Variants in NIPBL observed in about 807,000 individuals in gnomAD.
NIPBL encodes nipped-B-like protein.
A neutral mutation model predicts 321.8 loss-of-function variants in NIPBL; 19 were observed. The ratio of observed to expected loss-of-function variants is 0.06; its 90% confidence interval spans 0.04 to 0.09. The LOEUF is 0.09. Among genes scored for constraint, NIPBL ranks in the 10% least tolerant of loss-of-function variants. The pLI is 1.00. For missense variants in NIPBL, 2,210 were observed against 3,327.0 expected, an observed-to-expected ratio of 0.66 and a Z score of 8.26; for synonymous variants, 1,106 against 1,114.1, an observed-to-expected ratio of 0.99 and a Z score of 0.14.
At position 37,008,606 on chromosome 5, in the gene NIPBL, T is replaced by G; in HGVS notation, c.4321-17T>G. On this transcript the variant is annotated splice_polypyrimidine_tract_variant and intron_variant, in intron 19 of 46. Coordinates refer to ENST00000282516, the MANE Select transcript of NIPBL (RefSeq NM_133433.4). ...TCTATTATAAGTTTAACTTGGAATC[T>G]TATAATTACTAAACAGGTATTCTCA... 1.6e-6 allele frequency: 2 copies of G among 1,223,670 alleles called. No homozygotes were observed. The allele number at this position is 1,223,670 out of a possible 1,614,324, so 75.8% of individuals were successfully genotyped here.
chr5:36,975,211 A>G (rs923497231), intron 8 of NIPBL, among the ~76,000 whole-genome samples: 7 of 152,082 alleles, frequency 4.6e-5, no homozygotes, highest in Non-Finnish European at 7.4e-5. Context: ...GTATAAATCA[A>G]TATTTTACCA....
chr5:37,006,310 C>G lies in NIPBL; in HGVS notation c.3856-47C>G, dbSNP rs763424034. 5 of 1,005,724 alleles carry G rather than the reference C, an allele frequency of 5.0e-6. No individual in the cohort carries two copies. The East Asian group carries it at 1.2e-4, about 25-fold the overall frequency. The allele number at this position is 1,005,724 out of a possible 1,614,324, so 62.3% of individuals were successfully genotyped here. A position where few individuals can be genotyped will look rare whatever the true frequency, so the allele number is the denominator to read the frequency against. On this transcript the variant is annotated intron_variant, in intron 16 of 46. Coordinates refer to ENST00000282516, the MANE Select transcript of NIPBL (RefSeq NM_133433.4). Reference sequence around the variant, plus strand: ...TCATAATTTTAATGTATATTTTAAACCTATAAATGTGTTTATTTCCATTTC... The same window carrying G: ...TCATAATTTTAATGTATATTTTAAAGCTATAAATGTGTTTATTTCCATTTC...
chr5:36,988,929 A>T (rs1280004432), intron 10 of NIPBL, among the ~76,000 whole-genome samples: 1 of 152,168 alleles, frequency 6.6e-6, no homozygotes, highest in South Asian at 2.1e-4. Flanking sequence ...CTTTTGTATG[A>T]GCATGATAAA....
At chr5:36,935,306 A>T (rs1750074326) in intron 1 of NIPBL, among the ~76,000 whole-genome samples, 1 of 152,086 alleles carries the variant, frequency 6.6e-6, no homozygotes, top group Non-Finnish European at 1.5e-5. Context: ...TCATCAAGGC[A>T]ATCAGAAAAG....
At chr5:37,029,997 T>G (rs1164678905) in intron 32 of NIPBL, among the ~76,000 whole-genome samples, 1 of 152,190 alleles carries the variant, frequency 6.6e-6, no homozygotes, top group African/African-American at 2.4e-5. Flanking sequence ...TCTAAAAGGC[T>G]CTAAATCATA....
At chr5:37,028,333 CTTT>C (rs10676635) in intron 32 of NIPBL, among the ~76,000 whole-genome samples, 1 of 102,554 alleles carries the variant, frequency 9.8e-6, no homozygotes, top group Non-Finnish European at 1.8e-5. Flanking sequence ...TTCCATAATA[CTTT>C]TTTTTTTTTT....
intron 1 of NIPBL, 81 bp downstream of exon 1, chr5:36,877,259 TCCCCG>T (rs1745151225): frequency 6.1e-6 from 1 of 163,382 alleles, no homozygotes; most frequent in Non-Finnish European, 1.3e-5. Context: ...CTCGCTCCCC[TCCCCG>T]CCGTTTCCTT....
At chr5:36,881,114 G>T (rs1745469658) in intron 1 of NIPBL, among the ~76,000 whole-genome samples, 1 of 151,934 alleles carries the variant, frequency 6.6e-6, no homozygotes, top group South Asian at 2.1e-4. Context: ...TTTCTTGGTT[G>T]TATTTTCCTG....
chr5:36,993,678 A>G (rs75173645), intron 10 of NIPBL, among the ~76,000 whole-genome samples: 33 of 152,036 alleles, frequency 2.2e-4, no homozygotes, highest in Non-Finnish European at 4.4e-5. Context: ...AAAAAAAAAA[A>G]TCCCGTGATG....
chr5:37,000,773 A>G, intron 12 of NIPBL, 44 bp from the exon 13 acceptor site: 7 of 1,505,038 alleles, frequency 4.7e-6, no homozygotes, highest in Non-Finnish European at 6.5e-6. Context: ...AATTATTTTA[A>G]GTTGTCAGTC....
intron 1 of NIPBL, among the ~76,000 whole-genome samples, chr5:36,886,925 A>G (rs577318405): frequency 2.0e-4 from 31 of 152,044 alleles, no homozygotes; most frequent in East Asian, 3.9e-4. Context: ...TTCATGTTCT[A>G]TGTATCAGTA....
At position 36,968,111 on chromosome 5, in the gene NIPBL, A is replaced by C. The variant is rs1436603799; in HGVS notation, c.611-2765A>C. Among the ~76,000 whole-genome samples the C allele has an allele frequency of 3.2e-3, 371 of 116,308 alleles. 5 individuals are homozygous for C. Among genetic ancestry groups the C allele is most frequent in the African/African-American group, 0.011 (338 of 29,494 alleles). 76.3% of individuals were successfully genotyped at this position (116,308 alleles called of 152,430 possible). A position where few individuals can be genotyped will look rare whatever the true frequency, so the allele number is the denominator to read the frequency against. On this transcript the variant is annotated intron_variant, in intron 6 of 46. Coordinates refer to ENST00000282516, the MANE Select transcript of NIPBL (RefSeq NM_133433.4). The stretch of plus-strand genomic sequence containing the variant: ...ACTCTGTCTCAAAAAAAAAAAAAAA[A>C]CAAAAAACAAAAAACGAATAAGCAG...
At chr5:36,986,985 A>G (rs1242608246) in intron 10 of NIPBL, among the ~76,000 whole-genome samples, 1 of 152,140 alleles carries the variant, frequency 6.6e-6, no homozygotes, top group Non-Finnish European at 1.5e-5. Context: ...CCAAAAGATA[A>G]TGGCCATTTG....
intron 16 of NIPBL, among the ~76,000 whole-genome samples, chr5:37,004,337 T>G (rs1747167059): frequency 6.6e-6 from 1 of 152,182 alleles, no homozygotes; most frequent in African/African-American, 2.4e-5. Context: ...CATTAATGAA[T>G]GCAAACACTA....
chr5:36,960,411 T>C (rs1261303972), intron 4 of NIPBL, among the ~76,000 whole-genome samples: 1 of 151,522 alleles, frequency 6.6e-6, no homozygotes, highest in Non-Finnish European at 1.5e-5. Context: ...TTATAGTAAT[T>C]AAGCTATTAA....
chr5:37,028,333 C>CTTTTTTTTTT (rs10676635), intron 32 of NIPBL, among the ~76,000 whole-genome samples: 15 of 102,536 alleles, frequency 1.5e-4, no homozygotes, highest in African/African-American at 4.7e-4. Context: ...TTCCATAATA[C>CTTTTTTTTTT]TTTTTTTTTT....
intron 1 of NIPBL, among the ~76,000 whole-genome samples, chr5:36,938,733 A>G (rs1738734024): frequency 6.6e-6 from 1 of 152,178 alleles, no homozygotes; most frequent in Non-Finnish European, 1.5e-5. Context: ...GGGAAAAAGT[A>G]TACAAGGAGG....
chr5:36,916,407 C>A (rs1748461663), intron 1 of NIPBL, among the ~76,000 whole-genome samples: 1 of 152,300 alleles, frequency 6.6e-6, no homozygotes, highest in East Asian at 1.9e-4. Flanking sequence ...TTGGACATGT[C>A]AGGTTGTTTA....
chr5:36,953,644 G>T lies in NIPBL; in HGVS notation c.-53G>T. On this transcript the variant is annotated 5_prime_UTR_variant, in exon 2 of 47. Coordinates refer to ENST00000282516, the MANE Select transcript of NIPBL (RefSeq NM_133433.4). ...GTTTGGGAAATGGGAAGTAATGACA[G>T]CTGGCACCTGAACTAAGTACTTTTA... 2 of 1,428,722 alleles carry T rather than the reference G, an allele frequency of 1.4e-6. No individual in the cohort carries two copies. Among genetic ancestry groups the T allele is most frequent in the Non-Finnish European group, 2.0e-6 (2 of 1,010,882 alleles). 88.5% of individuals were successfully genotyped at this position (1,428,722 alleles called of 1,614,324 possible). A position where few individuals can be genotyped will look rare whatever the true frequency, so the allele number is the denominator to read the frequency against.
Sources: gnomAD v4.1 joint callset for allele counts (sites outside exome capture counted in the v4.1 genomes callset) on GRCh38, gnomAD v4.1.1 for gene constraint, MANE v1.5 for transcripts, NCBI Gene and HGNC (gene_info 2026-07-23, HGNC 2026-07-21) for gene names.